The following CELF2 variants were observed in gnomAD, a reference collection of about 807,000 sequenced individuals.
CELF2 encodes CUGBP Elav-like family member 2, also known as CUG triplet repeat RNA-binding protein 2.
CELF2 carries 8 observed loss-of-function variants against 62.6 expected under a neutral mutation model. The ratio of observed to expected loss-of-function variants is 0.13; its 90% CI spans 0.07 to 0.23. The LOEUF (loss-of-function observed/expected upper bound fraction) is 0.23, where lower values mean the gene tolerates loss of function less well. CELF2 is among the 10% of genes least tolerant of loss of function. The pLI is 1.00. For synonymous variants in CELF2, 258 were observed against 250.0 expected (o/e 1.03, Z -0.30); for missense variants, 333 against 671.0 (o/e 0.50, Z 5.56).
chr10:10,881,487 C>G (rs528799448), intron 1 of CELF2, among the ~76,000 whole-genome samples: 2 of 152,292 alleles, frequency 1.3e-5, no homozygotes, highest in African/African-American at 4.8e-5. Context: ...CTTAATGCCT[C>G]TCTCCAAAGA....
intron 2 of CELF2, among the ~76,000 whole-genome samples, chr10:11,206,622 A>T (rs2060492540): frequency 6.6e-6 from 1 of 152,210 alleles, no homozygotes; most frequent in Non-Finnish European, 1.5e-5. Context: ...CCAGCTGGCC[A>T]GGGAGTTGAG....
intron 2 of CELF2, among the ~76,000 whole-genome samples, chr10:10,971,483 C>T (rs1439355593): frequency 6.6e-6 from 1 of 152,226 alleles, no homozygotes; most frequent in Non-Finnish European, 1.5e-5. Context: ...ATGCTGCACC[C>T]ACCCTAGTTA....
Position 11,179,338 on chromosome 10 carries a change from G to A in CELF2, c.271+13656G>A, listed in dbSNP as rs137864456. On this transcript the variant is annotated intron_variant, in intron 2 of 12. Coordinates refer to ENST00000633077, the MANE Select transcript of CELF2 (RefSeq NM_001326342.2). ...TTGAAAATCTTTTAGAATTTATGAC[G>A]CTTATTTTCTTAAGTATCTTTATGC... 3.8e-3 allele frequency among the ~76,000 whole-genome samples: 579 copies of A among 151,998 alleles called. 2 individuals carry two copies. The highest frequency in any genetic ancestry group is 0.013 in the African/African-American group (540 of 41,438).
chr10:11,206,198 T>G (rs1039541860), intron 2 of CELF2, among the ~76,000 whole-genome samples: 1 of 152,174 alleles, frequency 6.6e-6, no homozygotes, highest in Admixed American at 6.5e-5. Flanking sequence ...TCCAGGGAAT[T>G]CAAGCTGATG....
At chr10:11,152,427 C>T (rs1316910241) in intron 1 of CELF2, among the ~76,000 whole-genome samples, 1 of 151,860 alleles carries the variant, frequency 6.6e-6, no homozygotes, top group Admixed American at 6.6e-5. Context: ...AAAAAAAAAT[C>T]TGGTGGGAAA....
the CELF2 span, among the ~76,000 whole-genome samples, chr10:10,642,389 C>A: frequency 1.3e-5 from 2 of 152,188 alleles, no homozygotes; most frequent in African/African-American, 4.8e-5. Context: ...TATTACCCAG[C>A]AGGCACAGAG....
chr10:11,221,427 C>T (rs1330498020), intron 3 of CELF2, among the ~76,000 whole-genome samples: 1 of 152,214 alleles, frequency 6.6e-6, no homozygotes, highest in Admixed American at 6.5e-5. Context: ...AAAATAGAGA[C>T]TTACCTGAGG....
intron 1 of CELF2, among the ~76,000 whole-genome samples, chr10:11,070,847 G>A (rs2069718050): frequency 6.6e-6 from 1 of 152,112 alleles, no homozygotes; most frequent in South Asian, 2.1e-4. Context: ...GAAAACGAAA[G>A]AACAAAAGTT....
At chr10:10,836,889 C>G (rs1043031178) in intron 1 of CELF2, among the ~76,000 whole-genome samples, 2 of 152,198 alleles carry the variant, frequency 1.3e-5, no homozygotes, top group Admixed American at 1.3e-4. Flanking sequence ...CCTGCCTTGT[C>G]CTCTCAAAGT....
chr10:11,101,926 T>G (rs17149511), intron 1 of CELF2, among the ~76,000 whole-genome samples: 19,435 of 152,230 alleles, frequency 0.13, 1,471 homozygotes, highest in African/African-American at 0.21. Flanking sequence ...TAAAGCAATT[T>G]CCTGGGAGAA....
the CELF2 span, among the ~76,000 whole-genome samples, chr10:10,465,722 A>G: frequency 2.6e-5 from 4 of 152,162 alleles, no homozygotes; most frequent in African/African-American, 9.6e-5. Flanking sequence ...ATCCAACACT[A>G]TAATTCTTTT....
chr10:10,642,182 A>G, the CELF2 span, among the ~76,000 whole-genome samples: 3 of 152,222 alleles, frequency 2.0e-5, no homozygotes, highest in Non-Finnish European at 4.4e-5. Flanking sequence ...GATATTTATA[A>G]TAGTCCCAAG....
chr10:11,120,823 C>T (rs2057594279), intron 1 of CELF2, among the ~76,000 whole-genome samples: 1 of 152,294 alleles, frequency 6.6e-6, no homozygotes, highest in South Asian at 2.1e-4. Context: ...CATAGTGAGA[C>T]TTACGGCAGC....
chr10:10,557,416 A>G, the CELF2 span, among the ~76,000 whole-genome samples: 3 of 148,316 alleles, frequency 2.0e-5, no homozygotes, highest in African/African-American at 7.7e-5. Flanking sequence ...TACCAGTACC[A>G]TGCTGTTTTG....
At chr10:10,708,932 A>T in the CELF2 span, among the ~76,000 whole-genome samples, 4 of 152,214 alleles carry the variant, frequency 2.6e-5, no homozygotes, top group Non-Finnish European at 5.9e-5. Flanking sequence ...ATTTATATCT[A>T]GAAAAATGAA....
the CELF2 span, among the ~76,000 whole-genome samples, chr10:10,652,895 T>A: frequency 6.6e-6 from 1 of 152,002 alleles, no homozygotes; most frequent in Non-Finnish European, 1.5e-5. Context: ...ATGGATTAAA[T>A]TCTCCAATTA....
chr10:11,240,051 TC>T (rs2073230205), intron 3 of CELF2, among the ~76,000 whole-genome samples: 1 of 152,108 alleles, frequency 6.6e-6, no homozygotes, highest in African/African-American at 2.4e-5. Context: ...AAACTCCATC[TC>T]AAAAAAAGTT....
chr10:10,813,314 G>T (rs920146285), intron 1 of CELF2, among the ~76,000 whole-genome samples: 4 of 152,182 alleles, frequency 2.6e-5, no homozygotes, highest in Non-Finnish European at 4.4e-5. Context: ...CAGGGTGCAG[G>T]TGTTTCTGTT....
intron 1 of CELF2, among the ~76,000 whole-genome samples, chr10:10,850,285 C>T (rs1392596013): frequency 1.3e-5 from 2 of 152,322 alleles, no homozygotes; most frequent in African/African-American, 2.4e-5. Context: ...AATGCCCAAA[C>T]ATGTGGCAGG....
Sources: gnomAD v4.1 joint callset for allele counts (sites outside exome capture counted in the v4.1 genomes callset) on GRCh38, gnomAD v4.1.1 for gene constraint, MANE v1.5 for transcripts, NCBI Gene and HGNC (gene_info 2026-07-23, HGNC 2026-07-21) for gene names.